Variants in MECOM observed in about 807,000 individuals in gnomAD.
MECOM encodes the protein MDS1 and EVI1 complex locus, also known as histone-lysine N-methyltransferase MECOM.
MECOM carries 13 observed loss-of-function variants against 116.3 expected under a neutral mutation model. The observed-to-expected ratio is 0.11, with a 90% CI of 0.07 to 0.18. MECOM has a LOEUF of 0.18. Ranked by LOEUF, MECOM falls within the 10% of genes least tolerant of loss-of-function variation. The probability of loss-of-function intolerance (pLI) is 1.00; values close to 1 mark genes in which losing one functional copy is unlikely to be tolerated. For synonymous variants in MECOM, 528 were observed against 535.2 expected (o/e 0.99, Z 0.19); for missense variants, 1,299 against 1,509.0 (o/e 0.86, Z 2.31).
intron 2 of MECOM, among the ~76,000 whole-genome samples, chr3:169,337,472 A>G (rs116828005): frequency 0.011 from 1,710 of 152,278 alleles, 29 homozygotes; most frequent in African/African-American, 0.039. Context: ...ACCAACCTCC[A>G]TCTTTTTAAC....
At chr3:169,397,673 C>T (rs1735222918) in intron 1 of MECOM, among the ~76,000 whole-genome samples, 3 of 152,184 alleles carry the variant, frequency 2.0e-5, no homozygotes, top group Non-Finnish European at 4.4e-5. Context: ...AGTGTGTATA[C>T]ATGACACGAC....
At chr3:169,438,406 T>C (rs1231560607) in intron 1 of MECOM, among the ~76,000 whole-genome samples, 1 of 152,032 alleles carries the variant, frequency 6.6e-6, no homozygotes, top group African/African-American at 2.4e-5. Context: ...CCAGGAAACG[T>C]GTGTTAAGGG....
At position 169,084,495 on chromosome 3, in the gene MECOM, A is replaced by G. The variant is rs1463790178; in HGVS notation, c.*414T>C. The G allele has an allele frequency of 1.7e-5, 4 of 237,688 alleles. No individual in the cohort carries two copies. Among genetic ancestry groups the G allele is most frequent in the Admixed American group, 1.1e-4 (2 of 18,018 alleles). The allele number at this position is 237,688 out of a possible 1,614,324, so 14.7% of individuals were successfully genotyped here. ...CTGTAATTAAAAGCAACTGTTCCCA[A>G]TCATGTCAGGTGATCTTGTACAAAA... On this transcript the variant is annotated 3_prime_UTR_variant, in exon 17 of 17. Coordinates refer to ENST00000651503, the MANE Select transcript of MECOM (RefSeq NM_004991.4).
chr3:169,432,874 C>T (rs1022461289), intron 1 of MECOM, among the ~76,000 whole-genome samples: 3 of 152,222 alleles, frequency 2.0e-5, no homozygotes, highest in African/African-American at 7.2e-5. Context: ...CCAGCTGCAA[C>T]TAAATAGTGG....
chr3:169,264,763 C>T (rs1317931541), intron 2 of MECOM, among the ~76,000 whole-genome samples: 7 of 152,182 alleles, frequency 4.6e-5, no homozygotes, highest in Non-Finnish European at 8.8e-5. Context: ...TTATTTTATA[C>T]AAGTTTCTGA....
intron 1 of MECOM, among the ~76,000 whole-genome samples, chr3:169,415,348 C>T (rs1472284320): frequency 2.0e-5 from 3 of 152,118 alleles, no homozygotes; most frequent in Non-Finnish European, 4.4e-5. Context: ...GATTTTGTCA[C>T]CACCAGGCCT....
chr3:169,161,301 G>A (rs1742809642), intron 2 of MECOM, among the ~76,000 whole-genome samples: 1 of 152,130 alleles, frequency 6.6e-6, no homozygotes, highest in African/African-American at 2.4e-5. Flanking sequence ...TATAAGTGCT[G>A]GCAATGGCAG....
intron 2 of MECOM, among the ~76,000 whole-genome samples, chr3:169,317,084 A>C (rs964617517): frequency 1.1e-4 from 16 of 152,174 alleles, no homozygotes; most frequent in Non-Finnish European, 2.1e-4. Context: ...AGTTTTCTTC[A>C]CTTATTACGG....
chr3:169,333,921 CTTCT>C (rs77061899), intron 2 of MECOM, among the ~76,000 whole-genome samples: 5,945 of 146,626 alleles, frequency 0.041, 154 homozygotes, highest in Non-Finnish European at 0.059. Flanking sequence ...CCCTTCCTTC[CTTCT>C]TTCTTTGTCT....
chr3:169,522,911 T>C (rs1414996496), intron 1 of MECOM, among the ~76,000 whole-genome samples: 3 of 152,184 alleles, frequency 2.0e-5, no homozygotes, highest in Admixed American at 6.5e-5. Context: ...AGAACCAGTA[T>C]TTAGTGCCAG....
intron 1 of MECOM, among the ~76,000 whole-genome samples, chr3:169,645,102 C>A (rs1374970955): frequency 6.6e-6 from 1 of 152,120 alleles, no homozygotes; most frequent in Admixed American, 6.5e-5. Flanking sequence ...CTGAACATAC[C>A]TAGGCTGTCC....
chr3:169,497,280 C>T lies in MECOM; in HGVS notation c.38-115756G>A, dbSNP rs561060018. Among the ~76,000 whole-genome samples the T allele has an allele frequency of 1.5e-4, 23 of 152,192 alleles. 2 individuals are homozygous for T. The South Asian group carries it at 4.8e-3, about 32-fold the overall frequency. ...TACTTCAGGTCCTTATCATTTACTC[C>T]CAATGCTTCTTTTGCAATAGCCCAC... On this transcript the variant is annotated intron_variant, in intron 1 of 16. Coordinates refer to ENST00000651503, the MANE Select transcript of MECOM (RefSeq NM_004991.4).
At chr3:169,530,619 T>C (rs1758502461) in intron 1 of MECOM, among the ~76,000 whole-genome samples, 1 of 152,094 alleles carries the variant, frequency 6.6e-6, no homozygotes, top group African/African-American at 2.4e-5. Context: ...TCTGCCGCAC[T>C]GGGGTGTCAG....
intron 2 of MECOM, among the ~76,000 whole-genome samples, chr3:169,380,655 A>G (rs1324837982): frequency 6.6e-6 from 1 of 152,206 alleles, no homozygotes; most frequent in African/African-American, 2.4e-5. Context: ...AGTGATGAGT[A>G]CAGTGCTGAC....
intron 1 of MECOM, among the ~76,000 whole-genome samples, chr3:169,593,978 G>A (rs555496090): frequency 1.8e-4 from 27 of 151,732 alleles, no homozygotes; most frequent in Non-Finnish European, 2.4e-4. Context: ...AAAATTAGCC[G>A]GGTGTGGTGG....
chr3:169,482,556 G>C (rs953504477), intron 1 of MECOM, among the ~76,000 whole-genome samples: 8 of 151,978 alleles, frequency 5.3e-5, no homozygotes, highest in African/African-American at 1.7e-4. Context: ...GAATGGTCTC[G>C]ATCTCCTGAC....
chr3:169,109,751 G>A lies in MECOM; in HGVS notation c.2578-1799C>T, dbSNP rs553453107. ...ATTTTTGACAGAATTTTTAAAATAC[G>A]TATTATTCCAAAACGCAATAATATA... On this transcript the variant is annotated intron_variant, in intron 9 of 16. Transcript: ENST00000651503. Among the ~76,000 whole-genome samples, 44 of 152,144 alleles carry A rather than the reference G, an allele frequency of 2.9e-4. No individual in the cohort carries two copies. In the South Asian group the frequency reaches 8.9e-3, roughly 31 times the overall value.
intron 2 of MECOM, among the ~76,000 whole-genome samples, chr3:169,216,132 G>A (rs907471765): frequency 2.0e-5 from 3 of 152,156 alleles, no homozygotes; most frequent in African/African-American, 4.8e-5. Context: ...GTCAACTCAC[G>A]AGTGTTTCCA....
rs574396084 is a variant in MECOM, at chr3:169,225,782, G to A, written c.376-81950C>T. 2.6e-5 allele frequency among the ~76,000 whole-genome samples: 4 copies of A among 152,264 alleles called. No homozygotes were observed. In the East Asian group the frequency reaches 7.7e-4, roughly 29 times the overall value. ...GCACCACCACGCCTGGATAATTTTTGTATTTTTAGTAAATAGGGGCTTTCA... is the reference window on the plus strand; with the variant it reads ...GCACCACCACGCCTGGATAATTTTTATATTTTTAGTAAATAGGGGCTTTCA... On this transcript the variant is annotated intron_variant, in intron 2 of 16. Coordinates refer to ENST00000651503, the MANE Select transcript of MECOM (RefSeq NM_004991.4).
Sources: gnomAD v4.1 joint callset for allele counts (sites outside exome capture counted in the v4.1 genomes callset) on GRCh38, gnomAD v4.1.1 for gene constraint, MANE v1.5 for transcripts, NCBI Gene and HGNC (gene_info 2026-07-23, HGNC 2026-07-21) for gene names.